Variants in ADAM12 observed in about 807,000 individuals in gnomAD.
ADAM12 encodes ADAM metallopeptidase domain 12, also known as disintegrin and metalloproteinase domain-containing protein 12.
In ADAM12, 70 loss-of-function variants were observed where a neutral mutation model predicts 106.4. That is an observed-to-expected ratio of 0.66 (90% CI 0.54 to 0.80). The LOEUF is 0.80. ADAM12 is among the 30% of genes least tolerant of loss of function. ADAM12 has a pLI of 0.00. For missense variants in ADAM12, 1,010 were observed against 1,171.9 expected, an observed-to-expected ratio of 0.86 and a Z score of 2.02; for synonymous variants, 420 against 433.5, an observed-to-expected ratio of 0.97 and a Z score of 0.39.
chr10:126,355,087 A>G (rs1855492530), intron 1 of ADAM12, among the ~76,000 whole-genome samples: 1 of 152,204 alleles, frequency 6.6e-6, no homozygotes, highest in South Asian at 2.1e-4. Flanking sequence ...AAATATATGG[A>G]ATGAAACCAA....
At chr10:126,101,328 T>G in intron 8 of ADAM12, 87 bp from the exon 9 acceptor site, 1 of 1,334,088 alleles carries the variant, frequency 7.5e-7, no homozygotes, top group Non-Finnish European at 1.1e-6. Context: ...TTGCGTTATT[T>G]GAGGGTCACT....
intron 4 of ADAM12, among the ~76,000 whole-genome samples, chr10:126,143,215 T>C (rs1956551660): frequency 6.6e-6 from 1 of 151,604 alleles, no homozygotes. Context: ...GTGTATATGG[T>C]GTGCATGTGT....
chr10:126,021,516 A>G (rs917765609), intron 21 of ADAM12, among the ~76,000 whole-genome samples: 2 of 152,260 alleles, frequency 1.3e-5, no homozygotes, highest in Non-Finnish European at 2.9e-5. Context: ...CAACGGACAC[A>G]TTGGGCTAGG....
chr10:126,206,856 G>C lies in ADAM12; in HGVS notation c.261-51551C>G, dbSNP rs115527567. Among the ~76,000 whole-genome samples, 227 of 43,642 alleles carry C rather than the reference G, an allele frequency of 5.2e-3. 15 individuals carry two copies. The highest frequency in any genetic ancestry group is 6.3e-3 in the Non-Finnish European group (81 of 12,916). 28.6% of individuals were successfully genotyped at this position (43,642 alleles called of 152,430 possible). A position where few individuals can be genotyped will look rare whatever the true frequency, so the allele number is the denominator to read the frequency against. ...GCTCCCTGAATTCCCATGTGTTGTG[G>C]GGGCGGGGGGGAGCCAGTGGGAGGT... On this transcript the variant is annotated intron_variant, in intron 3 of 22. Coordinates refer to ENST00000448723, the MANE Select transcript of ADAM12 (RefSeq NM_001288973.2).
intron 1 of ADAM12, among the ~76,000 whole-genome samples, chr10:126,377,321 T>C (rs1435952863): frequency 1.3e-5 from 2 of 152,164 alleles, no homozygotes; most frequent in African/African-American, 4.8e-5. Context: ...AGTCCCACAA[T>C]AGGCTGTCTG....
In ADAM12 at chr10:126,036,267, C is replaced by A. The variant is rs767445718; in HGVS notation, c.2408G>T (p.Gly803Val). 4 of 1,559,110 alleles carry A rather than the reference C, an allele frequency of 2.6e-6. No homozygotes were observed. The highest frequency in any genetic ancestry group is 4.2e-5 in the Admixed American group (2 of 47,762). The change falls in exon 21 of 23, where the codon GGC becomes GTC. Residue 803 changes from glycine (G) to valine (V), a missense_variant. Coordinates refer to ENST00000448723, the MANE Select transcript of ADAM12 (RefSeq NM_001288973.2). The part of the protein sequence containing the change: ...QNVDISRPLN[G>V]LNVPQPQSTQ... The stretch of plus-strand genomic sequence containing the variant: ...TGACTGGGGCTGAGGGACATTCAGG[C>A]CGTTGAGGGGTCTGCTGATGTCAAC...
chr10:126,083,661 G>A (rs569665274), intron 11 of ADAM12, among the ~76,000 whole-genome samples: 26 of 152,340 alleles, frequency 1.7e-4, no homozygotes, highest in African/African-American at 6.3e-4. Flanking sequence ...GGGCCAGATC[G>A]TGCACACCTG....
chr10:126,124,416 G>A (rs1956165302), intron 5 of ADAM12, among the ~76,000 whole-genome samples: 1 of 151,828 alleles, frequency 6.6e-6, no homozygotes, highest in Admixed American at 6.6e-5. Context: ...TAATTTCCAT[G>A]TGAACTACTC....
At chr10:126,062,292 A>G (rs1250217274) in intron 14 of ADAM12, among the ~76,000 whole-genome samples, 1 of 152,148 alleles carries the variant, frequency 6.6e-6, no homozygotes, top group Admixed American at 6.5e-5. Context: ...ACACGACACC[A>G]CCCACCACCA....
At chr10:126,107,447 T>G (rs910963071) in intron 8 of ADAM12, among the ~76,000 whole-genome samples, 33 of 152,210 alleles carry the variant, frequency 2.2e-4, no homozygotes, top group Non-Finnish European at 3.8e-4. Flanking sequence ...GGTCTTGTAA[T>G]ATGGAGCCGA....
In ADAM12 at chr10:126,066,748, C is replaced by T; in HGVS notation, c.1382G>A (p.Cys461Tyr). 6.2e-7 allele frequency: 1 copy of T among 1,614,216 alleles called. No homozygotes were observed. Among genetic ancestry groups the T allele is most frequent in the Non-Finnish European group, 8.5e-7 (1 of 1,180,024 alleles). The change falls in exon 13 of 23, where the codon TGC (cysteine) becomes TAC (tyrosine). Residue 461 changes from cysteine to tyrosine, a missense_variant. Physicochemically the swap from Cys to Tyr is radical, Grantham distance 194. Transcript: ENST00000448723. This position sits in a 1 kb window ranked among gnomAD's most constrained non-coding sequence, Gnocchi z 5.1. Reference sequence around the variant, plus strand: ...GTCTTCACAGCACAGCCCATGTGCGCACACAGCGTCCGGCTTCAGGGTACA... The same window carrying T: ...GTCTTCACAGCACAGCCCATGTGCGTACACAGCGTCCGGCTTCAGGGTACA... ...TTCTLKPDAV[C>Y]AHGLCCEDCQ...
chr10:126,173,624 T>A (rs955990441), intron 3 of ADAM12, among the ~76,000 whole-genome samples: 1 of 152,174 alleles, frequency 6.6e-6, no homozygotes, highest in Non-Finnish European at 1.5e-5. Flanking sequence ...CTTTTGAATA[T>A]AGATTTTTTT....
At chr10:126,042,429 T>C (rs552057945) in intron 18 of ADAM12, among the ~76,000 whole-genome samples, 3 of 152,006 alleles carry the variant, frequency 2.0e-5, no homozygotes, top group Non-Finnish European at 4.4e-5. Context: ...CTTAGCGAGA[T>C]CACATTAGGC....
At chr10:126,299,844 A>G (rs1398090724) in intron 2 of ADAM12, among the ~76,000 whole-genome samples, 1 of 152,046 alleles carries the variant, frequency 6.6e-6, no homozygotes, top group African/African-American at 2.4e-5. Flanking sequence ...GGGTTTCGCC[A>G]TGTTGGCCAG....
At chr10:126,311,054 T>C (rs1464476310) in intron 2 of ADAM12, among the ~76,000 whole-genome samples, 1 of 150,908 alleles carries the variant, frequency 6.6e-6, no homozygotes, top group Non-Finnish European at 1.5e-5. Context: ...CCCACCTTTT[T>C]AGTGGGTTAT....
At chr10:126,352,005 C>T (rs1224908374) in intron 1 of ADAM12, among the ~76,000 whole-genome samples, 1 of 152,162 alleles carries the variant, frequency 6.6e-6, no homozygotes, top group African/African-American at 2.4e-5. Context: ...AGACCTCCGG[C>T]CTCAAGCCTC....
At chr10:126,079,663 T>A (rs776321493) in intron 11 of ADAM12, among the ~76,000 whole-genome samples, 4 of 152,222 alleles carry the variant, frequency 2.6e-5, no homozygotes, top group Non-Finnish European at 4.4e-5. Context: ...TTGTACCTAT[T>A]TGTGTCGTGA....
chr10:126,164,423 A>T (rs1325663673), intron 3 of ADAM12, among the ~76,000 whole-genome samples: 1 of 152,146 alleles, frequency 6.6e-6, no homozygotes, highest in Non-Finnish European at 1.5e-5. Context: ...TTTGCTGAAG[A>T]TTTACTTTAT....
At chr10:126,094,917 C>G (rs1006359302) in intron 10 of ADAM12, among the ~76,000 whole-genome samples, 2 of 152,034 alleles carry the variant, frequency 1.3e-5, no homozygotes, top group African/African-American at 2.4e-5. Context: ...TAGTGGAGTG[C>G]CTGGATGGCT....
Sources: allele counts gnomAD v4.1 joint callset (sites outside exome capture counted in the v4.1 genomes callset), GRCh38; gene constraint gnomAD v4.1.1; non-coding constraint Gnocchi (gnomAD v3.1); transcripts MANE v1.5; gene names NCBI Gene and HGNC (gene_info 2026-07-23, HGNC 2026-07-21).